The following MYO1E variants were observed in gnomAD, a reference collection of about 807,000 sequenced individuals.
MYO1E encodes the protein unconventional myosin-Ie.
A neutral mutation model predicts 151.1 loss-of-function variants in MYO1E; 68 were observed. The ratio of observed to expected loss-of-function variants is 0.45; its 90% confidence interval spans 0.37 to 0.55. MYO1E has a LOEUF of 0.55. MYO1E is among the 20% of genes least tolerant of loss of function. MYO1E has a pLI of 0.00. For synonymous variants in MYO1E, 601 were observed against 501.7 expected, an observed-to-expected ratio of 1.20 and a Z score of -2.64; for missense variants, 1,363 against 1,389.3, an observed-to-expected ratio of 0.98 and a Z score of 0.30.
intron 1 of MYO1E, among the ~76,000 whole-genome samples, chr15:59,371,920 T>A (rs2080947852): frequency 1.3e-5 from 2 of 150,710 alleles, no homozygotes; most frequent in African/African-American, 4.8e-5. Flanking sequence ...CGCCTGCCTT[T>A]GTGCGGCCCG....
At chr15:59,179,240 C>T (rs2079644285) in intron 18 of MYO1E, among the ~76,000 whole-genome samples, 1 of 152,198 alleles carries the variant, frequency 6.6e-6, no homozygotes, top group Non-Finnish European at 1.5e-5. Flanking sequence ...CACTCCCAGA[C>T]AGGCCTTCTT....
intron 1 of MYO1E, among the ~76,000 whole-genome samples, chr15:59,323,442 G>C (rs538349405): frequency 2.0e-5 from 3 of 151,960 alleles, no homozygotes; most frequent in African/African-American, 7.2e-5. Context: ...GGCAAGGTCA[G>C]GAGATCGAGA....
chr15:59,195,456 G>A lies in MYO1E; in HGVS notation c.1805+5C>T, dbSNP rs768879542. 52 of 1,610,382 alleles carry A rather than the reference G, an allele frequency of 3.2e-5. 1 individual carries two copies. The highest frequency in any genetic ancestry group is 2.4e-4 in the South Asian group (22 of 91,014). On this transcript the variant is annotated splice_donor_5th_base_variant and intron_variant, in intron 17 of 27. Coordinates refer to ENST00000288235, the MANE Select transcript of MYO1E (RefSeq NM_004998.4). ...GGCCCCACCTAAGCCGGTTTCCCCC[G>A]ATACCTGCTTTCCTCCCAGTCTCTG...
At chr15:59,144,842 T>C (rs1179893025) in intron 26 of MYO1E, among the ~76,000 whole-genome samples, 2 of 151,272 alleles carry the variant, frequency 1.3e-5, no homozygotes, top group African/African-American at 4.9e-5. Context: ...GAAGAAAGAA[T>C]GACTTTTTGT....
At chr15:59,171,826 C>T (rs1206323563) in intron 22 of MYO1E, 71 bp downstream of exon 22, 12 of 1,603,284 alleles carry the variant, frequency 7.5e-6, no homozygotes, top group African/African-American at 1.3e-5. Context: ...TTCCTCCTGG[C>T]TGTTTGGAAC....
chr15:59,319,243 G>C (rs758572752), intron 1 of MYO1E, among the ~76,000 whole-genome samples: 1 of 152,252 alleles, frequency 6.6e-6, no homozygotes, highest in East Asian at 1.9e-4. Context: ...CCCAGAAGCC[G>C]GAGGTTGCAG....
At chr15:59,149,518 T>C (rs574125727) in intron 26 of MYO1E, among the ~76,000 whole-genome samples, 17 of 152,318 alleles carry the variant, frequency 1.1e-4, no homozygotes, top group African/African-American at 3.8e-4. Context: ...ATGATAATGA[T>C]AGCTACCATG....
intron 4 of MYO1E, among the ~76,000 whole-genome samples, chr15:59,244,432 CT>C (rs1470655628): frequency 6.6e-6 from 1 of 152,220 alleles, no homozygotes; most frequent in African/African-American, 2.4e-5. Flanking sequence ...ATTACACTTT[CT>C]TTATATTCCT....
intron 1 of MYO1E, among the ~76,000 whole-genome samples, chr15:59,307,458 C>A (rs1209451738): frequency 6.6e-6 from 1 of 152,210 alleles, no homozygotes; most frequent in African/African-American, 2.4e-5. Flanking sequence ...CAGATTCTGT[C>A]AACTTTAATC....
chr15:59,306,807 T>C (rs3803443), intron 1 of MYO1E, among the ~76,000 whole-genome samples: 2 of 152,226 alleles, frequency 1.3e-5, no homozygotes, highest in Non-Finnish European at 2.9e-5. Flanking sequence ...GGAGCCAAGA[T>C]GGTGAGGCAC....
intron 9 of MYO1E, among the ~76,000 whole-genome samples, chr15:59,221,010 A>ATATATATATAAAATTTATATATATAT (rs2079952294): frequency 6.9e-6 from 1 of 145,554 alleles, no homozygotes; most frequent in Non-Finnish European, 1.5e-5. Context: ...TATATATATA[A>ATATATATATAAAATTTATATATATAT]TATATATATA....
intron 1 of MYO1E, among the ~76,000 whole-genome samples, chr15:59,332,759 C>T (rs1410475443): frequency 6.6e-6 from 1 of 151,982 alleles, no homozygotes. Flanking sequence ...TCTCACTATG[C>T]TGTCCAGGCT....
chr15:59,274,898 A>C (rs1437813571), intron 1 of MYO1E, among the ~76,000 whole-genome samples: 2 of 152,188 alleles, frequency 1.3e-5, no homozygotes, highest in African/African-American at 4.8e-5. Flanking sequence ...TCCTAGCCCC[A>C]GTCTCTAATG....
In MYO1E at chr15:59,205,383, T is replaced by C. The variant is rs138790400; in HGVS notation, c.1616+17A>G. 376 of 1,611,340 alleles carry C rather than the reference T, an allele frequency of 2.3e-4. 1 individual carries two copies. In the African/African-American group the frequency reaches 3.8e-3, roughly 16 times the overall value. ...TCAAACCTATATCCCCTGTCAGCTA[T>C]GGCAAAACATACTTACAGCTCGCTG... On this transcript the variant is annotated intron_variant, in intron 15 of 27. Transcript: ENST00000288235.
intron 15 of MYO1E, among the ~76,000 whole-genome samples, chr15:59,204,510 G>C (rs188059450): frequency 5.9e-4 from 90 of 152,306 alleles, no homozygotes; most frequent in African/African-American, 2.1e-3. Context: ...GCATGCATGG[G>C]CCTTGCCTCG....
chr15:59,206,979 A>T (rs1186973544), intron 14 of MYO1E: 2 of 1,614,010 alleles, frequency 1.2e-6, no homozygotes, highest in African/African-American at 1.3e-5. Context: ...CCAGCCAGAG[A>T]GTGAGCTCGG....
At chr15:59,225,595 A>G (rs2079984989) in intron 7 of MYO1E, among the ~76,000 whole-genome samples, 1 of 150,898 alleles carries the variant, frequency 6.6e-6, no homozygotes, top group African/African-American at 2.4e-5. Flanking sequence ...TTCTCCCCAC[A>G]TCCACTCCCA....
chr15:59,201,379 C>G (rs932604552), intron 16 of MYO1E, among the ~76,000 whole-genome samples: 2 of 151,104 alleles, frequency 1.3e-5, no homozygotes, highest in Non-Finnish European at 2.9e-5. Flanking sequence ...CAGGCCAGAG[C>G]CACTACATCT....
intron 15 of MYO1E, among the ~76,000 whole-genome samples, chr15:59,203,137 A>T (rs2079812212): frequency 1.3e-5 from 2 of 152,192 alleles, no homozygotes; most frequent in African/African-American, 4.8e-5. Context: ...TTTGCTCTAG[A>T]GCAGAGTTTC....
Sources: gnomAD v4.1 joint callset for allele counts (sites outside exome capture counted in the v4.1 genomes callset) on GRCh38, gnomAD v4.1.1 for gene constraint, MANE v1.5 for transcripts, NCBI Gene and HGNC (gene_info 2026-07-23, HGNC 2026-07-21) for gene names.